Variants in GREP1 observed in about 807,000 individuals in gnomAD.
The protein encoded by GREP1 is glycine rich extracellular protein 1.
Position 2,999,835 on chromosome 16 carries a change from G to A in GREP1, c.1190-67G>A, listed in dbSNP as rs76179381. The A allele has an allele frequency of 9.1e-4, 365 of 398,992 alleles. 8 individuals carry two copies. In the East Asian group the frequency reaches 0.011, roughly 12 times the overall value. The allele number at this position is 398,992 out of a possible 1,614,324, so 24.7% of individuals were successfully genotyped here. On this transcript the variant is annotated intron_variant, in intron 27 of 34. Transcript: ENST00000573315. ...CTTCCCCTTCAGAGTCCCTAAGGTC[G>A]ATCTTTGGCCTCCAAGGAGTCAGGG...
intron 27 of GREP1, among the ~76,000 whole-genome samples, chr16:2,999,607 C>A (rs2072447948): frequency 6.6e-6 from 1 of 151,674 alleles, no homozygotes; most frequent in Non-Finnish European, 1.5e-5. Context: ...CACGCACCAC[C>A]ATACCTGGCT....
intron 5 of GREP1, 195 bp downstream of exon 5, chr16:2,990,317 T>C (rs2072391987): frequency 2.5e-6 from 1 of 398,074 alleles, no homozygotes; most frequent in East Asian, 3.6e-5. Context: ...CACCTCTCTC[T>C]CTCCCACGAG....
chr16:2,999,259 C>G (rs2072445002), exon 27 of GREP1: 4 of 398,844 alleles, frequency 1.0e-5, no homozygotes, highest in Non-Finnish European at 1.8e-5. Flanking sequence ...CTCCTAGCAC[C>G]AATGCCAGCC....
In GREP1 at chr16:2,989,485, T is replaced by G. The variant is rs1393504700; in HGVS notation, c.101-38T>G. 2 of 399,136 alleles carry G rather than the reference T, an allele frequency of 5.0e-6. No individual in the cohort carries two copies. The highest frequency in any genetic ancestry group is 4.1e-5 in the African/African-American group (2 of 48,626). The allele number at this position is 399,136 out of a possible 1,614,324, so 24.7% of individuals were successfully genotyped here. On this transcript the variant is annotated intron_variant, in intron 2 of 34. Transcript: ENST00000573315. This position sits in a 1 kb window ranked among gnomAD's most constrained non-coding sequence, Gnocchi z 4.2. ...GGGTGGCACACCGGCTCCCAGCTGC[T>G]CCAGCACCCCGGGCTCAACATCTCA...
intron 19 of GREP1, 26 bp downstream of exon 18, chr16:2,996,557 G>C: frequency 2.5e-6 from 1 of 399,284 alleles, no homozygotes; most frequent in Non-Finnish European, 4.4e-6. Flanking sequence ...CCTGGCTCGC[G>C]AGGGGTCGGG....
intron 21 of GREP1, 179 bp downstream of exon 20, chr16:2,997,264 T>C: frequency 2.5e-6 from 1 of 398,534 alleles, no homozygotes. Context: ...GACACCAAAA[T>C]GAGGGAGGAG....
intron 13 of GREP1, 143 bp from the exon 15 acceptor site, chr16:2,995,141 C>G (rs1232712814): frequency 2.5e-6 from 1 of 397,876 alleles, no homozygotes; most frequent in Non-Finnish European, 4.4e-6. Context: ...AGCCCTCCCA[C>G]CCCGACAAGC....
At chr16:2,997,718 C>A (rs2072433728) in intron 22 of GREP1, 85 bp from the exon 21 acceptor site, 1 of 398,562 alleles carries the variant, frequency 2.5e-6, no homozygotes, top group African/African-American at 2.1e-5. Context: ...GGCATGGGCA[C>A]CAGGTGGGGG....
intron 13 of GREP1, 63 bp from the exon 15 acceptor site, chr16:2,995,221 G>A: frequency 1.0e-5 from 4 of 398,810 alleles, no homozygotes; most frequent in Non-Finnish European, 1.8e-5. Flanking sequence ...AGATGCTGGG[G>A]TTCTGGGGTG....
Position 2,995,728 on chromosome 16 carries a change from A to G in GREP1, c.590-11A>G, listed in dbSNP as rs1348322031. ...CTGAGTCACTCACCAGCCCCCCTAT[A>G]TCTCCTCCAGGCCTTGGAGGGAATG... On this transcript the variant is annotated splice_polypyrimidine_tract_variant and intron_variant, in intron 16 of 34. Transcript: ENST00000573315. The G allele has an allele frequency of 5.0e-6, 2 of 398,430 alleles. No homozygotes were observed. Among genetic ancestry groups the G allele is most frequent in the East Asian group, 3.6e-5 (1 of 28,076 alleles). 24.7% of individuals were successfully genotyped at this position (398,430 alleles called of 1,614,324 possible).
intron 18 of GREP1, 168 bp downstream of exon 17, chr16:2,995,939 C>CTT (rs1441267327): frequency 4.2e-5 from 13 of 312,602 alleles, no homozygotes; most frequent in Middle Eastern, 8.7e-4. Context: ...GGAGCCCAGG[C>CTT]TTTTTTTTTT....
At chr16:2,990,063 AC>A (rs1280475394) in intron 4 of GREP1, 23 bp from the exon 5 acceptor site, 1 of 398,728 alleles carries the variant, frequency 2.5e-6, no homozygotes. Context: ...CACACTCCTC[AC>A]CTCACCTCAT....
chr16:2,996,537 G>T lies in GREP1; in HGVS notation c.712+6G>T. ...TGGACCGGGAGTCCAGCCAGGTGAGGGCAGCTGGGCCTGGCTCGCGAGGGG... is the reference window on the plus strand; with the variant it reads ...TGGACCGGGAGTCCAGCCAGGTGAGTGCAGCTGGGCCTGGCTCGCGAGGGG... On this transcript the variant is annotated splice_donor_region_variant and intron_variant, in intron 19 of 34. Transcript: ENST00000573315. The T allele has an allele frequency of 2.5e-6, 1 of 399,312 alleles. No homozygotes were observed. 24.7% of individuals were successfully genotyped at this position (399,312 alleles called of 1,614,324 possible). A position where few individuals can be genotyped will look rare whatever the true frequency, so the allele number is the denominator to read the frequency against.
rs764913194 is a variant in GREP1, at chr16:2,995,932, G to A, written c.676+22G>A. The A allele has an allele frequency of 1.3e-5, 5 of 395,898 alleles. No homozygotes were observed. The Admixed American group carries it at 1.3e-4, about 10-fold the overall frequency. The allele number at this position is 395,898 out of a possible 1,614,324, so 24.5% of individuals were successfully genotyped here. A position where few individuals can be genotyped will look rare whatever the true frequency, so the allele number is the denominator to read the frequency against. ...CCAGGTGAGGACACCTGGGGTAGGA[G>A]CCCAGGCTTTTTTTTTTTGAGATGG... On this transcript the variant is annotated intron_variant, in intron 18 of 34. Transcript: ENST00000573315.
Position 2,992,803 on chromosome 16 carries a change from A to C in GREP1, c.323-2A>C, listed in dbSNP as rs1042708243. The C allele has an allele frequency of 2.5e-6, 1 of 399,018 alleles. No individual in the cohort carries two copies. The highest frequency in any genetic ancestry group is 4.4e-5 in the Admixed American group (1 of 22,722). 24.7% of individuals were successfully genotyped at this position (399,018 alleles called of 1,614,324 possible). A position where few individuals can be genotyped will look rare whatever the true frequency, so the allele number is the denominator to read the frequency against. ...CACACTCCTGTGTCTGCCCTCAAAC[A>C]GGTCCTGCCGCTCAAAATGGCTTTG... On this transcript the variant is annotated splice_acceptor_variant, in intron 8 of 34. Coordinates refer to ENST00000573315, the Ensembl canonical transcript of GREP1. LOFTEE classifies it high-confidence loss of function. The surrounding 1 kb of genome is among the most constrained non-coding windows in gnomAD (Gnocchi z 4.9).
chr16:2,997,204 G>A (rs548909285), intron 21 of GREP1, 119 bp downstream of exon 20: 4 of 398,896 alleles, frequency 1.0e-5, no homozygotes, highest in Admixed American at 8.8e-5. Flanking sequence ...GCCAGTGAGG[G>A]GGTGTCGGGC....
chr16:3,001,190 G>A (rs4786367), intron 33 of GREP1, 91 bp from the exon 28 acceptor site: 5,128 of 399,140 alleles, frequency 0.013, 48 homozygotes, highest in Non-Finnish European at 0.019. Flanking sequence ...CCTCCGGGGA[G>A]GGGGTGTCTC....
In GREP1 at chr16:2,992,780, C is replaced by T. The variant is rs2072405538; in HGVS notation, c.323-25C>T. 1.8e-5 allele frequency: 7 copies of T among 399,276 alleles called. No homozygotes were observed. The highest frequency in any genetic ancestry group is 3.6e-5 in the East Asian group (1 of 28,082). 24.7% of individuals were successfully genotyped at this position (399,276 alleles called of 1,614,324 possible). A position where few individuals can be genotyped will look rare whatever the true frequency, so the allele number is the denominator to read the frequency against. ...CTCATCCCCACTGCACCACCTTCCA[C>T]ACTCCTGTGTCTGCCCTCAAACAGG... On this transcript the variant is annotated intron_variant, in intron 8 of 34. Transcript: ENST00000573315. This position sits in a 1 kb window ranked among gnomAD's most constrained non-coding sequence, Gnocchi z 4.9.
At chr16:2,998,439 C>G (rs2072439395) in intron 24 of GREP1, 51 bp downstream of exon 22, 1 of 399,138 alleles carries the variant, frequency 2.5e-6, no homozygotes, top group Non-Finnish European at 4.4e-6. Context: ...GCCTCTCAGC[C>G]CTTCTAGCCT....
Sources: gnomAD v4.1 joint callset for allele counts (sites outside exome capture counted in the v4.1 genomes callset) on GRCh38, gnomAD v4.1.1 for gene constraint, Gnocchi (gnomAD v3.1) non-coding constraint, MANE v1.5 for transcripts, NCBI Gene and HGNC (gene_info 2026-07-23, HGNC 2026-07-21) for gene names.